CAMK2B: variants seen among roughly 807,000 people sequenced by gnomAD.
The protein encoded by CAMK2B is calcium/calmodulin dependent protein kinase II beta.
In CAMK2B, 27 loss-of-function variants were observed where a neutral mutation model predicts 93.7. That is an observed-to-expected ratio of 0.29 (90% CI 0.21 to 0.40). The LOEUF (loss-of-function observed/expected upper bound fraction) is 0.40, where lower values mean the gene tolerates loss of function less well. CAMK2B is among the 10% of genes least tolerant of loss of function. The pLI, the probability that CAMK2B is intolerant of heterozygous loss-of-function variation, is 1.00. For missense variants in CAMK2B, 568 were observed against 895.8 expected, an observed-to-expected ratio of 0.63 and a Z score of 4.67; for synonymous variants, 374 against 358.8, an observed-to-expected ratio of 1.04 and a Z score of -0.48.
At position 44,272,044 on chromosome 7, in the gene CAMK2B, C is replaced by T. The variant is rs146214093; in HGVS notation, c.161-8980G>A. On this transcript the variant is annotated intron_variant, in intron 2 of 23. Transcript: ENST00000395749. ...GGGTAGAAGTGGAGCTGGACCCCGTCACAGGAGGCCCCACTTGGAGCCTCG... is the reference window on the plus strand; with the variant it reads ...GGGTAGAAGTGGAGCTGGACCCCGTTACAGGAGGCCCCACTTGGAGCCTCG... Among the ~76,000 whole-genome samples the T allele has an allele frequency of 3.4e-3, 520 of 152,296 alleles. 3 individuals are homozygous for T. Among genetic ancestry groups the T allele is most frequent in the African/African-American group, 0.012 (496 of 41,558 alleles).
At chr7:44,278,638 C>T (rs534235979) in intron 2 of CAMK2B, among the ~76,000 whole-genome samples, 20 of 152,344 alleles carry the variant, frequency 1.3e-4, no homozygotes, top group African/African-American at 3.6e-4. Context: ...GTGCAGGATT[C>T]TGCCTGCAGA....
chr7:44,229,012 G>A lies in CAMK2B; in HGVS notation c.1340-88C>T, dbSNP rs367916709. The A allele has an allele frequency of 1.6e-4, 204 of 1,275,064 alleles. 2 individuals are homozygous for A. The highest frequency in any genetic ancestry group is 3.8e-4 in the East Asian group (16 of 42,282). The allele number at this position is 1,275,064 out of a possible 1,614,324, so 79.0% of individuals were successfully genotyped here. On this transcript the variant is annotated intron_variant, in intron 18 of 23. Transcript: ENST00000395749. ...GGAGGAGGCCAGTGGGAGGGGTCCC[G>A]TGTTCTAGACCCCTTGGGCCCTGGG...
intron 18 of CAMK2B, 48 bp from the exon 19 acceptor site, chr7:44,228,972 A>G (rs540113994): frequency 7.5e-6 from 12 of 1,598,754 alleles, no homozygotes; most frequent in Non-Finnish European, 1.0e-5. Context: ...CAGACACACG[A>G]GGCGGCGGCA....
At chr7:44,226,389 C>T in intron 20 of CAMK2B, 127 bp downstream of exon 20, 1 of 748,576 alleles carries the variant, frequency 1.3e-6, no homozygotes, top group Non-Finnish European at 2.0e-6. Context: ...CCCTGGGACC[C>T]AGCAGAGGGA....
Position 44,311,227 on chromosome 7 carries a change from C to T in CAMK2B, c.65+14130G>A, listed in dbSNP as rs1347630644. Among the ~76,000 whole-genome samples, 5 of 152,172 alleles carry T rather than the reference C, an allele frequency of 3.3e-5. No homozygotes were observed. The East Asian group carries it at 7.7e-4, about 23-fold the overall frequency. ...AGTAGCTGGGATTACAGGCACATGC[C>T]ACCACGCCTGGCACATTTTTGTATT... On this transcript the variant is annotated intron_variant, in intron 1 of 23. Coordinates refer to ENST00000395749, the MANE Select transcript of CAMK2B (RefSeq NM_001220.5). This position sits in a 1 kb window ranked among gnomAD's most constrained non-coding sequence, Gnocchi z 4.2.
intron 21 of CAMK2B, 45 bp from the exon 22 acceptor site, chr7:44,220,755 C>G: frequency 6.3e-7 from 1 of 1,574,952 alleles, no homozygotes; most frequent in Non-Finnish European, 8.6e-7. Context: ...GGACCCCTGA[C>G]TCTGAGCAGG....
chr7:44,241,059 G>A (rs1291200183), intron 11 of CAMK2B, among the ~76,000 whole-genome samples: 1 of 152,174 alleles, frequency 6.6e-6, no homozygotes, highest in African/African-American at 2.4e-5. Context: ...GCTCCTCTGG[G>A]GTCCAGCTCC....
intron 2 of CAMK2B, among the ~76,000 whole-genome samples, chr7:44,267,441 C>T (rs1192307274): frequency 2.0e-5 from 3 of 152,172 alleles, no homozygotes; most frequent in Non-Finnish European, 2.9e-5. Flanking sequence ...CTCACACCCG[C>T]TCTGATGTGA....
chr7:44,266,589 C>A (rs974069095), intron 2 of CAMK2B, among the ~76,000 whole-genome samples: 3 of 152,242 alleles, frequency 2.0e-5, no homozygotes, highest in African/African-American at 7.2e-5. Flanking sequence ...CCCCAGGGAA[C>A]CTGCTGAACT....
In CAMK2B at chr7:44,311,837, G is replaced by A. The variant is rs889453592; in HGVS notation, c.65+13520C>T. 2.0e-5 allele frequency among the ~76,000 whole-genome samples: 3 copies of A among 151,936 alleles called. No individual in the cohort carries two copies. Among genetic ancestry groups the A allele is most frequent in the Non-Finnish European group, 4.4e-5 (3 of 67,978 alleles). ...CTGACTCTGCCCTACCCCCACTCTG[G>A]GCAGGGAAGGGTGACTGCGTGGCTG... On this transcript the variant is annotated intron_variant, in intron 1 of 23. Coordinates refer to ENST00000395749, the MANE Select transcript of CAMK2B (RefSeq NM_001220.5). This position sits in a 1 kb window ranked among gnomAD's most constrained non-coding sequence, Gnocchi z 4.2.
intron 1 of CAMK2B, among the ~76,000 whole-genome samples, chr7:44,288,584 AG>A (rs1199506589): frequency 6.6e-6 from 1 of 152,240 alleles, no homozygotes; most frequent in Non-Finnish European, 1.5e-5. Flanking sequence ...TCAGATCATG[AG>A]GCCCCCGGGC....
intron 13 of CAMK2B, among the ~76,000 whole-genome samples, chr7:44,236,708 G>C (rs1219190713): frequency 6.6e-6 from 1 of 152,168 alleles, no homozygotes; most frequent in Non-Finnish European, 1.5e-5. Context: ...GACCCCCACA[G>C]TCCCCTCTCC....
Position 44,224,487 on chromosome 7 carries a change from A to C in CAMK2B, c.1597+2029T>G, listed in dbSNP as rs1372827797. On this transcript the variant is annotated intron_variant, in intron 20 of 23. Transcript: ENST00000395749. The surrounding 1 kb of genome is among the most constrained non-coding windows in gnomAD (Gnocchi z 4.4). Reference sequence around the variant, plus strand: ...AGGGCCTGGGCTTGGAGGGGTCTGCACGAGCCAAGAGCCTCTGCAAGTCAG... The same window carrying C: ...AGGGCCTGGGCTTGGAGGGGTCTGCCCGAGCCAAGAGCCTCTGCAAGTCAG... 1.3e-5 allele frequency among the ~76,000 whole-genome samples: 2 copies of C among 152,226 alleles called. No homozygotes were observed. The highest frequency in any genetic ancestry group is 2.9e-5 in the Non-Finnish European group (2 of 68,028).
In CAMK2B at chr7:44,264,872, C is replaced by T. The variant is rs181051919; in HGVS notation, c.161-1808G>A. Among the ~76,000 whole-genome samples the T allele has an allele frequency of 5.5e-4, 83 of 152,226 alleles. 1 individual carries two copies. Among genetic ancestry groups the T allele is most frequent in the Middle Eastern group, 3.4e-3 (1 of 294 alleles). ...AATACACATGGTGTGGGCTCCGTTT[C>T]CCTATCTGCATGGAGCTCAAAACCC... On this transcript the variant is annotated intron_variant, in intron 2 of 23. Coordinates refer to ENST00000395749, the MANE Select transcript of CAMK2B (RefSeq NM_001220.5).
intron 6 of CAMK2B, among the ~76,000 whole-genome samples, chr7:44,246,687 C>A (rs893894064): frequency 6.6e-6 from 1 of 152,116 alleles, no homozygotes; most frequent in Admixed American, 6.5e-5. Flanking sequence ...ACATGCACAT[C>A]CCTGCACAGG....
chr7:44,235,143 C>T (rs1244601137), intron 13 of CAMK2B, among the ~76,000 whole-genome samples: 1 of 152,236 alleles, frequency 6.6e-6, no homozygotes. Flanking sequence ...TGCAGCTGGC[C>T]GCCCACTCAG....
rs530738486 is a variant in CAMK2B at position 44,312,241 on chromosome 7, C to G, written c.65+13116G>C. Reference sequence around the variant, plus strand: ...GGAATTTAAAATGACAACTCTATTCCAGCATCCTCAGCCCACACTGGGGGA... The same window carrying G: ...GGAATTTAAAATGACAACTCTATTCGAGCATCCTCAGCCCACACTGGGGGA... On this transcript the variant is annotated intron_variant, in intron 1 of 23. Transcript: ENST00000395749. This position sits in a 1 kb window ranked among gnomAD's most constrained non-coding sequence, Gnocchi z 4.1. 7.9e-5 allele frequency among the ~76,000 whole-genome samples: 12 copies of G among 152,240 alleles called. No individual in the cohort carries two copies. In the South Asian group the frequency reaches 2.5e-3, roughly 32 times the overall value.
chr7:44,242,397 A>G, intron 9 of CAMK2B, 57 bp from the exon 10 acceptor site: 2 of 1,590,052 alleles, frequency 1.3e-6, no homozygotes, highest in East Asian at 4.5e-5. Context: ...GGCAGGGGCA[A>G]GAATTCTCCA....
chr7:44,233,200 G>T (rs916176681), intron 15 of CAMK2B, among the ~76,000 whole-genome samples: 2 of 152,134 alleles, frequency 1.3e-5, no homozygotes, highest in South Asian at 2.1e-4. Flanking sequence ...GTCTTGAGGG[G>T]TTCTCCCTAC....
Sources: allele counts gnomAD v4.1 joint callset (sites outside exome capture counted in the v4.1 genomes callset), GRCh38; gene constraint gnomAD v4.1.1; non-coding constraint Gnocchi (gnomAD v3.1); transcripts MANE v1.5; gene names NCBI Gene and HGNC (gene_info 2026-07-23, HGNC 2026-07-21).